The following DDIT4L variants were observed in gnomAD, a reference collection of about 807,000 sequenced individuals.
The protein encoded by DDIT4L is DNA damage inducible transcript 4 like.
Under a neutral mutation model 15.9 loss-of-function variants are expected in DDIT4L, and 13 were observed. The observed-to-expected ratio is 0.82, with a 90% CI of 0.53 to 1.30. The LOEUF (loss-of-function observed/expected upper bound fraction) is 1.30. Among genes scored for constraint, DDIT4L ranks in the 50% most tolerant of loss-of-function variants. DDIT4L has a pLI of 0.00. For synonymous variants in DDIT4L, 82 were observed against 85.4 expected (o/e 0.96, Z 0.22); for missense variants, 235 against 224.8 (o/e 1.05, Z -0.29).
intron 2 of DDIT4L, among the ~76,000 whole-genome samples, chr4:100,188,734 A>T (rs1281634015): frequency 6.6e-6 from 1 of 152,200 alleles, no homozygotes; most frequent in Non-Finnish European, 1.5e-5. Flanking sequence ...AGATCTATCA[A>T]ATTTGTGTCT....
intron 2 of DDIT4L, 47 bp downstream of exon 2, chr4:100,189,846 G>A (rs753276414): frequency 1.3e-6 from 2 of 1,585,270 alleles, no homozygotes; most frequent in Admixed American, 3.4e-5. Context: ...TAGATCCAGA[G>A]GCACCGACCT....
At chr4:100,190,259 C>G (rs904208972) in intron 1 of DDIT4L, 44 bp downstream of exon 1, 4 of 426,506 alleles carry the variant, frequency 9.4e-6, no homozygotes, top group Non-Finnish European at 1.3e-5. Context: ...CCGCGGAGCG[C>G]CCCCCGGCCC....
Position 100,188,290 on chromosome 4 carries a change from TCA to T in DDIT4L, c.92-125_92-124del, listed in dbSNP as rs888298449. On this transcript the variant is annotated intron_variant, in intron 2 of 2. Coordinates refer to ENST00000273990, the MANE Select transcript of DDIT4L (RefSeq NM_145244.4). ...TGTCTGCCTTTTTCTTGTATTTGTT[TCA>T]GAGTCAGCTGACCTCAATTAACTGT... The T allele has an allele frequency of 2.9e-5, 31 of 1,081,536 alleles. No homozygotes were observed. The African/African-American group carries it at 4.2e-4, about 15-fold the overall frequency. The allele number at this position is 1,081,536 out of a possible 1,614,324, so 67.0% of individuals were successfully genotyped here. A position where few individuals can be genotyped will look rare whatever the true frequency, so the allele number is the denominator to read the frequency against.
Position 100,189,941 on chromosome 4 carries a change from T to C in DDIT4L, c.43A>G (p.Ile15Val), listed in dbSNP as rs1245042454. The part of the protein sequence containing the change: ...GSLSSKNPAS[I>V]SELLDCGYHP... ...TAGCCACAGTCCAGCAATTCTGAAATGCTGGCCGGGTTCTTGCTGCTCAAA... is the reference window on the plus strand; with the variant it reads ...TAGCCACAGTCCAGCAATTCTGAAACGCTGGCCGGGTTCTTGCTGCTCAAA... Residue 15 changes from isoleucine (I) to valine (V), a missense_variant, in exon 2 of 3, where the codon ATT becomes GTT. By Grantham distance (29) the Ile-to-Val change is conservative. Transcript: ENST00000273990. 1 of 1,614,018 alleles carries C rather than the reference T, an allele frequency of 6.2e-7. No individual in the cohort carries two copies. Among genetic ancestry groups the C allele is most frequent in the Non-Finnish European group, 8.5e-7 (1 of 1,180,018 alleles).
chr4:100,187,588 C>G lies in DDIT4L; in HGVS notation c.*89G>C. The stretch of plus-strand genomic sequence containing the variant: ...TACATTTGGGGTTTCTTATTTAGGG[C>G]AGGTGGGGCAAACTACAAATGACTT... On this transcript the variant is annotated 3_prime_UTR_variant, in exon 3 of 3. Coordinates refer to ENST00000273990, the MANE Select transcript of DDIT4L (RefSeq NM_145244.4). 1 of 1,406,690 alleles carries G rather than the reference C, an allele frequency of 7.1e-7. No homozygotes were observed. Among genetic ancestry groups the G allele is most frequent in the Non-Finnish European group, 9.4e-7 (1 of 1,059,324 alleles). 87.1% of individuals were successfully genotyped at this position (1,406,690 alleles called of 1,614,324 possible).
At chr4:100,188,461 C>T (rs912182406) in intron 2 of DDIT4L, among the ~76,000 whole-genome samples, 4 of 152,306 alleles carry the variant, frequency 2.6e-5, no homozygotes, top group Admixed American at 6.5e-5. Flanking sequence ...CACACACAAC[C>T]GTGAAGACTA....
At position 100,187,203 on chromosome 4, in the gene DDIT4L, G is replaced by T. The variant is rs1466806931; in HGVS notation, c.*474C>A. ...CTGTCTAAAAACCCTTCAAATTTGAGTCAGGAACTGGTGGTGTGGGCTTTT... is the reference window on the plus strand; with the variant it reads ...CTGTCTAAAAACCCTTCAAATTTGATTCAGGAACTGGTGGTGTGGGCTTTT... On this transcript the variant is annotated 3_prime_UTR_variant, in exon 3 of 3. Transcript: ENST00000273990. The T allele has an allele frequency of 6.6e-6, 1 of 152,468 alleles. No homozygotes were observed. The highest frequency in any genetic ancestry group is 1.5e-5 in the Non-Finnish European group (1 of 68,304). The allele number at this position is 152,468 out of a possible 1,614,324, so 9.4% of individuals were successfully genotyped here.
In DDIT4L at chr4:100,187,593, G is replaced by T; in HGVS notation, c.*84C>A. On this transcript the variant is annotated 3_prime_UTR_variant, in exon 3 of 3. Coordinates refer to ENST00000273990, the MANE Select transcript of DDIT4L (RefSeq NM_145244.4). Reference sequence around the variant, plus strand: ...TTGGGGTTTCTTATTTAGGGCAGGTGGGGCAAACTACAAATGACTTTAGCT... The same window carrying T: ...TTGGGGTTTCTTATTTAGGGCAGGTTGGGCAAACTACAAATGACTTTAGCT... 6.9e-7 allele frequency: 1 copy of T among 1,449,178 alleles called. No individual in the cohort carries two copies. The allele number at this position is 1,449,178 out of a possible 1,614,324, so 89.8% of individuals were successfully genotyped here. A position where few individuals can be genotyped will look rare whatever the true frequency, so the allele number is the denominator to read the frequency against.
intron 1 of DDIT4L, 99 bp from the exon 2 acceptor site, chr4:100,190,131 G>C: frequency 1.5e-6 from 1 of 687,428 alleles, no homozygotes. Context: ...ACTAGCGGAG[G>C]AACTCCTTTG....
intron 2 of DDIT4L, 58 bp downstream of exon 2, chr4:100,189,835 A>G: frequency 6.4e-7 from 1 of 1,552,756 alleles, no homozygotes; most frequent in South Asian, 1.1e-5. Context: ...CGCCCACCCA[A>G]TAGATCCAGA....
intron 2 of DDIT4L, 65 bp from the exon 3 acceptor site, chr4:100,188,232 C>T: frequency 6.7e-7 from 1 of 1,492,322 alleles, no homozygotes; most frequent in Admixed American, 2.2e-5. Flanking sequence ...AAAAAAACAC[C>T]AAGATATCAA....
rs542290168 is a variant in DDIT4L at position 100,187,808 on chromosome 4, T to C, written c.451A>G (p.Arg151Gly). The stretch of plus-strand genomic sequence containing the variant: ...CGACCTCTACTAAAGAAAAAGTCCC[T>C]GAAGCTAGTCCATGAGCAGTTCTCC... ...KQENCSWTSF[R>G]DFFFSRGRFS... The change falls in exon 3 of 3, where the codon AGG (arginine) becomes GGG (glycine). Residue 151 changes from arginine to glycine, a missense_variant. Arg to Gly is a moderately radical substitution (Grantham distance 125, BLOSUM62 -2). Transcript: ENST00000273990. 6.2e-7 allele frequency: 1 copy of C among 1,613,718 alleles called. No individual in the cohort carries two copies. The highest frequency in any genetic ancestry group is 1.1e-5 in the South Asian group (1 of 90,916).
rs201592671 is a variant in DDIT4L at position 100,187,663 on chromosome 4, T to C, written c.*14A>G. The C allele has an allele frequency of 3.8e-6, 6 of 1,574,654 alleles. No individual in the cohort carries two copies. The highest frequency in any genetic ancestry group is 1.7e-4 in the Middle Eastern group (1 of 5,886). ...CTACCCAATCATGAAATAATCTTTA[T>C]ATATTTTCCCTTTTTAGGACCCTTC... is the stretch of plus-strand genomic sequence containing the variant. On this transcript the variant is annotated 3_prime_UTR_variant, in exon 3 of 3. Transcript: ENST00000273990.
chr4:100,187,840 AAC>A lies in DDIT4L; in HGVS notation c.417_418del (p.Phe140Ter). On this transcript the variant is annotated frameshift_variant, in exon 3 of 3. Coordinates refer to ENST00000273990, the MANE Select transcript of DDIT4L (RefSeq NM_145244.4). LOFTEE classifies it high-confidence loss of function. The stretch of plus-strand genomic sequence containing the variant: ...AGTCCATGAGCAGTTCTCCTGCTTA[AAC>A]ACAAGTGTAAGCTCAAAAGTAGGTA... 1 of 1,613,642 alleles carries A rather than the reference AAC, an allele frequency of 6.2e-7. No individual in the cohort carries two copies. The highest frequency in any genetic ancestry group is 8.5e-7 in the Non-Finnish European group (1 of 1,179,938).
chr4:100,187,534 T>C lies in DDIT4L; in HGVS notation c.*143A>G, dbSNP rs1723438586. The C allele has an allele frequency of 1.1e-6, 1 of 918,442 alleles. No homozygotes were observed. The highest frequency in any genetic ancestry group is 2.2e-5 in the South Asian group (1 of 44,840). 56.9% of individuals were successfully genotyped at this position (918,442 alleles called of 1,614,324 possible). A position where few individuals can be genotyped will look rare whatever the true frequency, so the allele number is the denominator to read the frequency against. ...ATCAGCCTGTTAGCTGCAGTTGCTA[T>C]GAATGTGAAACACAGAAAGAAAAGA... On this transcript the variant is annotated 3_prime_UTR_variant, in exon 3 of 3. Transcript: ENST00000273990.
rs1423939589 is a variant in DDIT4L, at chr4:100,190,353, C to T, written c.-100G>A. 1 of 265,978 alleles carries T rather than the reference C, an allele frequency of 3.8e-6. No individual in the cohort carries two copies. Among genetic ancestry groups the T allele is most frequent in the Non-Finnish European group, 7.3e-6 (1 of 137,776 alleles). 16.5% of individuals were successfully genotyped at this position (265,978 alleles called of 1,614,324 possible). On this transcript the variant is annotated 5_prime_UTR_variant, in exon 1 of 3. Transcript: ENST00000273990. ...GCGCTCGCTGCCGGGTAAACACAGG[C>T]AGGTGGCTTCTTAGGAGTCCCCTCT...
intron 2 of DDIT4L, among the ~76,000 whole-genome samples, chr4:100,188,928 G>C (rs1723467785): frequency 6.6e-6 from 1 of 152,232 alleles, no homozygotes; most frequent in African/African-American, 2.4e-5. Context: ...AAGGAAAAGA[G>C]ATAGCTCTGC....
rs538207535 is a variant in DDIT4L, at chr4:100,187,783, C to T, written c.476G>A (p.Arg159His). Reference sequence around the variant, plus strand: ...AGTTCTCCTGAAACCAGAGGAGAAGCGACCTCTACTAAAGAAAAAGTCCCT... The same window carrying T: ...AGTTCTCCTGAAACCAGAGGAGAAGTGACCTCTACTAAAGAAAAAGTCCCT... ...SFRDFFFSRG[R>H]FSSGFRRTLI... Residue 159 changes from arginine to histidine, a missense_variant, in exon 3 of 3, where the codon CGC (arginine) becomes CAC (histidine). Arg to His is a conservative substitution (Grantham distance 29). Coordinates refer to ENST00000273990, the MANE Select transcript of DDIT4L (RefSeq NM_145244.4). 21 of 1,612,828 alleles carry T rather than the reference C, an allele frequency of 1.3e-5. No homozygotes were observed. The highest frequency in any genetic ancestry group is 3.4e-5 in the Admixed American group (2 of 59,616).
At chr4:100,188,980 G>A (rs939166720) in intron 2 of DDIT4L, among the ~76,000 whole-genome samples, 1 of 152,228 alleles carries the variant, frequency 6.6e-6, no homozygotes, top group Non-Finnish European at 1.5e-5. Flanking sequence ...CCCCTTGGCA[G>A]GATGCCACAC....
Sources: allele counts gnomAD v4.1 joint callset (sites outside exome capture counted in the v4.1 genomes callset), GRCh38; gene constraint gnomAD v4.1.1; transcripts MANE v1.5; gene names NCBI Gene and HGNC (gene_info 2026-07-23, HGNC 2026-07-21).